The following DCAF10 variants were observed in gnomAD, a reference collection of about 807,000 sequenced individuals.
The protein encoded by DCAF10 is DDB1- and CUL4-associated factor 10.
In DCAF10, 19 loss-of-function variants were observed where a neutral mutation model predicts 51.9. The observed-to-expected ratio is 0.37, with a 90% CI of 0.26 to 0.54. The LOEUF (loss-of-function observed/expected upper bound fraction) is 0.54, where lower values mean the gene tolerates loss of function less well. DCAF10 is among the 20% of genes least tolerant of loss of function. DCAF10 has a pLI of 0.87. For synonymous variants in DCAF10, 291 were observed against 297.1 expected (o/e 0.98, Z 0.21); for missense variants, 510 against 730.6 (o/e 0.70, Z 3.48).
At chr9:37,800,744 G>C, upstream of DCAF10, 4 of 1,533,972 alleles carry the variant, frequency 2.6e-6, no homozygotes, top group Non-Finnish European at 3.5e-6. Flanking sequence ...GTGGCCGAGG[G>C]GCGGCGCGGG....
intron 4 of DCAF10, among the ~76,000 whole-genome samples, chr9:37,856,229 A>G (rs913399754): frequency 6.6e-6 from 1 of 152,236 alleles, no homozygotes. Flanking sequence ...TTCCTTTGGG[A>G]AAGTACAGAC....
In DCAF10 at chr9:37,861,136, CT is replaced by C. The variant is rs1212180940; in HGVS notation, c.1312-3del. ...CTTGGTTTGTCTCCCTTCTCTCCCC[CT>C]AGTGTACTTGTGTCTATGAATTCCA... On this transcript the variant is annotated splice_region_variant and splice_polypyrimidine_tract_variant and intron_variant, in intron 6 of 6. Coordinates refer to ENST00000377724, the MANE Select transcript of DCAF10 (RefSeq NM_024345.5). This position sits in a 1 kb window ranked among gnomAD's most constrained non-coding sequence, Gnocchi z 4.9. 17 of 1,594,646 alleles carry C rather than the reference CT, an allele frequency of 1.1e-5. No homozygotes were observed. Among genetic ancestry groups the C allele is most frequent in the Non-Finnish European group, 1.5e-5 (17 of 1,164,328 alleles).
chr9:37,808,579 TATAAA>T (rs1462610875), intron 1 of DCAF10, among the ~76,000 whole-genome samples: 1 of 109,280 alleles, frequency 9.2e-6, no homozygotes, highest in African/African-American at 3.6e-5. Flanking sequence ...TAATATATAA[TATAAA>T]ATATATTTAT....
chr9:37,814,994 G>A (rs1273474775), intron 1 of DCAF10, among the ~76,000 whole-genome samples: 1 of 152,086 alleles, frequency 6.6e-6, no homozygotes, highest in African/African-American at 2.4e-5. Flanking sequence ...ATCTAGCAAT[G>A]AGGTAAAAAT....
chr9:37,802,862 T>C (rs1829000337), intron 1 of DCAF10, among the ~76,000 whole-genome samples: 1 of 152,162 alleles, frequency 6.6e-6, no homozygotes, highest in Non-Finnish European at 1.5e-5. Flanking sequence ...AAAGTTTCCC[T>C]CAAAACACGA....
intron 1 of DCAF10, among the ~76,000 whole-genome samples, chr9:37,818,289 C>T (rs1004744929): frequency 5.3e-5 from 8 of 152,126 alleles, no homozygotes; most frequent in African/African-American, 1.2e-4. Context: ...CCACCGCACC[C>T]GGCCAAGATT....
At chr9:37,824,346 C>T (rs983006975) in intron 2 of DCAF10, among the ~76,000 whole-genome samples, 3 of 151,790 alleles carry the variant, frequency 2.0e-5, no homozygotes, top group Non-Finnish European at 4.4e-5. Flanking sequence ...TATGTTAAGG[C>T]CCTCTTCATG....
At position 37,852,930 on chromosome 9, in the gene DCAF10, TTATATATATATA is replaced by T. The variant is rs59469290; in HGVS notation, c.852-1825_852-1814del. Among the ~76,000 whole-genome samples the T allele has an allele frequency of 9.0e-4, 99 of 109,824 alleles. 1 individual carries two copies. The highest frequency in any genetic ancestry group is 6.5e-3 in the East Asian group (15 of 2,320). 72.0% of individuals were successfully genotyped at this position (109,824 alleles called of 152,430 possible). A position where few individuals can be genotyped will look rare whatever the true frequency, so the allele number is the denominator to read the frequency against. ...CATCATAAATGTTAAGTATGTGAGG[TTATATATATATA>T]TATATATATATATATATATATATAA... On this transcript the variant is annotated intron_variant, in intron 3 of 6. Coordinates refer to ENST00000377724, the MANE Select transcript of DCAF10 (RefSeq NM_024345.5).
At chr9:37,860,618 T>A (rs935128005) in intron 6 of DCAF10, among the ~76,000 whole-genome samples, 3 of 152,172 alleles carry the variant, frequency 2.0e-5, no homozygotes, top group South Asian at 2.1e-4. Context: ...TTTCTTTTTT[T>A]AAAAACCAGG....
chr9:37,836,769 TTAC>T (rs1830178468), intron 2 of DCAF10, among the ~76,000 whole-genome samples: 2 of 152,160 alleles, frequency 1.3e-5, no homozygotes, highest in South Asian at 2.1e-4. Context: ...GTTCACACCC[TTAC>T]TTTTTTTTTT....
intron 1 of DCAF10, among the ~76,000 whole-genome samples, chr9:37,809,863 C>T (rs187555200): frequency 4.8e-5 from 7 of 146,022 alleles, no homozygotes; most frequent in African/African-American, 1.0e-4. Flanking sequence ...TTAGGGGGAG[C>T]GGGGCGGCCG....
rs564513718 is a variant in DCAF10, at chr9:37,865,278, C to T, written c.*3770C>T. ...AACGGCATTGTGAAAAAAAACCGAGCCACACAGATGAGAATTAAAAATTAA... is the reference window on the plus strand; with the variant it reads ...AACGGCATTGTGAAAAAAAACCGAGTCACACAGATGAGAATTAAAAATTAA... On this transcript the variant is annotated 3_prime_UTR_variant, in exon 7 of 7. Transcript: ENST00000377724. 1 of 151,864 alleles carries T rather than the reference C, an allele frequency of 6.6e-6. No homozygotes were observed. The highest frequency in any genetic ancestry group is 6.5e-5 in the Admixed American group (1 of 15,268). The allele number at this position is 151,864 out of a possible 1,614,324, so 9.4% of individuals were successfully genotyped here. A position where few individuals can be genotyped will look rare whatever the true frequency, so the allele number is the denominator to read the frequency against.
At chr9:37,827,034 C>G (rs1276643576) in intron 2 of DCAF10, among the ~76,000 whole-genome samples, 1 of 152,072 alleles carries the variant, frequency 6.6e-6, no homozygotes, top group African/African-American at 2.4e-5. Context: ...CCATGTTAAT[C>G]AGGGTAGTCT....
Position 37,819,313 on chromosome 9 carries a change from C to T in DCAF10, c.565C>T (p.Gln189Ter), listed in dbSNP as rs762313816. The change falls in exon 2 of 7, where the codon CAA (glutamine) becomes TAA (stop). Residue 189 changes from glutamine (Q) to a stop codon, truncating the protein, a stop_gained. Transcript: ENST00000377724. LOFTEE classifies it high-confidence loss of function. ...GTCAGTGCTGACAGTTGCTTGTGAA[C>T]AAACTGAAGTTCTGCTTTTTGACCC... ...DGSVLTVACE[Q>*]TEVLLFDPIS... 3 of 1,613,668 alleles carry T rather than the reference C, an allele frequency of 1.9e-6. No homozygotes were observed. Among genetic ancestry groups the T allele is most frequent in the Non-Finnish European group, 1.7e-6 (2 of 1,179,858 alleles).
At chr9:37,850,876 AT>A (rs1564048938) in intron 3 of DCAF10, among the ~76,000 whole-genome samples, 97 of 89,246 alleles carry the variant, frequency 1.1e-3, no homozygotes, top group Middle Eastern at 5.5e-3. Context: ...ATATATATAT[AT>A]ATATAAATTA....
intron 2 of DCAF10, among the ~76,000 whole-genome samples, chr9:37,822,859 T>C (rs904682245): frequency 6.6e-6 from 1 of 152,092 alleles, no homozygotes; most frequent in African/African-American, 2.4e-5. Flanking sequence ...TCCCAGCAAC[T>C]TGAGAGGCTG....
chr9:37,812,043 G>A (rs192809755), intron 1 of DCAF10, among the ~76,000 whole-genome samples: 4 of 152,164 alleles, frequency 2.6e-5, no homozygotes, highest in Admixed American at 2.6e-4. Context: ...AGCCGGGTGT[G>A]GTGGCATGCG....
chr9:37,863,332 A>G lies in DCAF10; in HGVS notation c.*1824A>G, dbSNP rs1440190929. ...CAGAGCGAGACTCTGTCTCAAAAAA[A>G]AAAAAAAAAAAAAAAAATTCTTCTC... On this transcript the variant is annotated 3_prime_UTR_variant, in exon 7 of 7. Transcript: ENST00000377724. 6.6e-6 allele frequency: 1 copy of G among 151,246 alleles called. No homozygotes were observed. Among genetic ancestry groups the G allele is most frequent in the East Asian group, 1.9e-4 (1 of 5,174 alleles). 9.4% of individuals were successfully genotyped at this position (151,246 alleles called of 1,614,324 possible).
chr9:37,808,831 A>G (rs1409165251), intron 1 of DCAF10, among the ~76,000 whole-genome samples: 2 of 75,690 alleles, frequency 2.6e-5, no homozygotes, highest in Non-Finnish European at 6.1e-5. Flanking sequence ...TAAAAAGATA[A>G]CCAGAGACCT....
Sources: gnomAD v4.1 joint callset for allele counts (sites outside exome capture counted in the v4.1 genomes callset) on GRCh38, gnomAD v4.1.1 for gene constraint, Gnocchi (gnomAD v3.1) non-coding constraint, MANE v1.5 for transcripts, NCBI Gene and HGNC (gene_info 2026-07-23, HGNC 2026-07-21) for gene names.